The following SGCZ variants were observed in gnomAD, a reference collection of about 807,000 sequenced individuals.
SGCZ encodes zeta-sarcoglycan.
In SGCZ, 40 loss-of-function variants were observed where a neutral mutation model predicts 41.3. That is an observed-to-expected ratio of 0.97 (90% CI 0.75 to 1.26). The LOEUF (loss-of-function observed/expected upper bound fraction) is 1.26. Ranked by LOEUF, SGCZ falls within the 50% of genes most tolerant of loss-of-function variation. The pLI, the probability that SGCZ is intolerant of heterozygous loss-of-function variation, is 0.00. For missense variants in SGCZ, 552 were observed against 369.8 expected, an observed-to-expected ratio of 1.49 and a Z score of -4.04; for synonymous variants, 206 against 137.5, an observed-to-expected ratio of 1.50 and a Z score of -3.49.
At chr8:14,265,095 A>G (rs905667547) in intron 3 of SGCZ, among the ~76,000 whole-genome samples, 2 of 152,200 alleles carry the variant, frequency 1.3e-5, no homozygotes, top group African/African-American at 4.8e-5. Context: ...GGATACCGTG[A>G]CCTCACCAAA....
intron 2 of SGCZ, among the ~76,000 whole-genome samples, chr8:14,469,297 T>C (rs1175145185): frequency 6.6e-6 from 1 of 152,120 alleles, no homozygotes; most frequent in Admixed American, 6.6e-5. Flanking sequence ...TTTTTGCATT[T>C]TCCTATTTAA....
chr8:14,293,756 C>A (rs1024497906), intron 3 of SGCZ, among the ~76,000 whole-genome samples: 2 of 151,780 alleles, frequency 1.3e-5, no homozygotes, highest in Non-Finnish European at 2.9e-5. Flanking sequence ...TCTAAGAGGA[C>A]TATAATTAAG....
At chr8:14,968,613 A>G (rs1298481263) in intron 1 of SGCZ, among the ~76,000 whole-genome samples, 1 of 152,156 alleles carries the variant, frequency 6.6e-6, no homozygotes, top group African/African-American at 2.4e-5. Flanking sequence ...GTGTGTACAG[A>G]TGATTGAGAA....
chr8:14,734,702 T>A (rs1798973810), intron 1 of SGCZ, among the ~76,000 whole-genome samples: 1 of 152,152 alleles, frequency 6.6e-6, no homozygotes, highest in South Asian at 2.1e-4. Context: ...TCCTCTACAT[T>A]AAGTGCTCTT....
chr8:14,645,545 T>C lies in SGCZ; in HGVS notation c.40-90619A>G, dbSNP rs534172545. 2.1e-5 allele frequency among the ~76,000 whole-genome samples: 3 copies of C among 145,678 alleles called. No homozygotes were observed. In the East Asian group the frequency reaches 6.0e-4, roughly 29 times the overall value. ...TTATGTTTATTTTAAAAATGCTGTA[T>C]ATTAGGAACAAATAGACAAAAATAA... On this transcript the variant is annotated intron_variant, in intron 1 of 7. Coordinates refer to ENST00000382080, the MANE Select transcript of SGCZ (RefSeq NM_139167.4).
At chr8:15,035,029 T>G (rs550876117) in intron 1 of SGCZ, among the ~76,000 whole-genome samples, 2 of 152,152 alleles carry the variant, frequency 1.3e-5, no homozygotes, top group East Asian at 1.9e-4. Flanking sequence ...AGATGACTCA[T>G]AAACAAGTAC....
At chr8:14,200,058 G>T (rs546875498) in intron 4 of SGCZ, among the ~76,000 whole-genome samples, 1 of 152,264 alleles carries the variant, frequency 6.6e-6, no homozygotes, top group African/African-American at 2.4e-5. Flanking sequence ...ATTGGGTCCG[G>T]TAGTATCCAT....
intron 1 of SGCZ, among the ~76,000 whole-genome samples, chr8:14,588,182 G>C (rs1464039259): frequency 3.3e-5 from 4 of 122,130 alleles, no homozygotes; most frequent in Non-Finnish European, 6.8e-5. Context: ...TTCAGGAATA[G>C]CCATTGATTA....
At position 14,667,069 on chromosome 8, in the gene SGCZ, A is replaced by G. The variant is rs76637051; in HGVS notation, c.40-112143T>C. On this transcript the variant is annotated intron_variant, in intron 1 of 7. Transcript: ENST00000382080. ...TAGAGAGAGACATATATATATGTCAATGTTATAGTATTATCTTCAATATTC... is the reference window on the plus strand; with the variant it reads ...TAGAGAGAGACATATATATATGTCAGTGTTATAGTATTATCTTCAATATTC... 2.2e-4 allele frequency among the ~76,000 whole-genome samples: 33 copies of G among 152,270 alleles called. 1 individual carries two copies. The East Asian group carries it at 4.4e-3, about 20-fold the overall frequency.
chr8:14,330,432 A>G (rs2117049483), intron 2 of SGCZ, among the ~76,000 whole-genome samples: 1 of 152,132 alleles, frequency 6.6e-6, no homozygotes, highest in Middle Eastern at 3.4e-3. Context: ...CTTTAGCATA[A>G]TTTTCTTTTT....
chr8:14,716,656 C>T (rs577452130), intron 1 of SGCZ, among the ~76,000 whole-genome samples: 1 of 152,196 alleles, frequency 6.6e-6, no homozygotes, highest in African/African-American at 2.4e-5. Context: ...AGGTTTCTTG[C>T]TGCACACATT....
intron 2 of SGCZ, among the ~76,000 whole-genome samples, chr8:14,459,460 A>G (rs1455451575): frequency 6.6e-6 from 1 of 152,178 alleles, no homozygotes. Flanking sequence ...AAAGTGTTCT[A>G]ATACATATAG....
chr8:14,730,170 T>G (rs1025670107), intron 1 of SGCZ, among the ~76,000 whole-genome samples: 2 of 152,216 alleles, frequency 1.3e-5, no homozygotes, highest in Non-Finnish European at 2.9e-5. Flanking sequence ...GAATCTTGTC[T>G]GCTCTCATCA....
intron 1 of SGCZ, among the ~76,000 whole-genome samples, chr8:15,059,805 C>A (rs1030897468): frequency 8.5e-5 from 13 of 152,160 alleles, no homozygotes; most frequent in African/African-American, 3.1e-4. Flanking sequence ...TCATATAGCC[C>A]AAGAACTCCC....
intron 1 of SGCZ, among the ~76,000 whole-genome samples, chr8:14,702,870 TAGATAGATAGA>T (rs1563213173): frequency 7.5e-6 from 1 of 132,652 alleles, no homozygotes; most frequent in Admixed American, 7.8e-5. Context: ...GATAGATAGA[TAGATAGATAGA>T]TAAAAAGATA....
chr8:14,549,890 G>C (rs1585069958), intron 2 of SGCZ, among the ~76,000 whole-genome samples: 1 of 152,156 alleles, frequency 6.6e-6, no homozygotes, highest in East Asian at 1.9e-4. Flanking sequence ...AGTTAGTTTA[G>C]ATGGGAATTA....
At chr8:15,211,988 T>C (rs148248362) in intron 1 of SGCZ, among the ~76,000 whole-genome samples, 1 of 152,212 alleles carries the variant, frequency 6.6e-6, no homozygotes, top group East Asian at 1.9e-4. Flanking sequence ...AGGGAACAAA[T>C]GAAATGTTAT....
intron 1 of SGCZ, among the ~76,000 whole-genome samples, chr8:14,603,950 C>T (rs1299732854): frequency 6.6e-6 from 1 of 151,922 alleles, no homozygotes; most frequent in Non-Finnish European, 1.5e-5. Context: ...GATTCCATAG[C>T]GACATATCTC....
At chr8:15,178,129 T>G (rs1800055283) in intron 1 of SGCZ, among the ~76,000 whole-genome samples, 1 of 152,136 alleles carries the variant, frequency 6.6e-6, no homozygotes, top group South Asian at 2.1e-4. Context: ...TCACTCTTCC[T>G]GCCTTGGAAT....
Sources: gnomAD v4.1 joint callset for allele counts (sites outside exome capture counted in the v4.1 genomes callset) on GRCh38, gnomAD v4.1.1 for gene constraint, MANE v1.5 for transcripts, NCBI Gene and HGNC (gene_info 2026-07-23, HGNC 2026-07-21) for gene names.